The following MAMLD1 variants were observed in gnomAD, a reference collection of about 807,000 sequenced individuals.
The protein encoded by MAMLD1 is mastermind like domain containing 1, also known as mastermind-like domain-containing protein 1.
A neutral mutation model predicts 45.0 loss-of-function variants in MAMLD1; 14 were observed. The observed-to-expected ratio is 0.31, with a 90% CI of 0.21 to 0.49. MAMLD1 has a LOEUF of 0.49. Ranked by LOEUF, MAMLD1 falls within the 20% of genes least tolerant of loss-of-function variation. MAMLD1 has a pLI of 0.99. For synonymous variants in MAMLD1, 254 were observed against 247.8 expected, an observed-to-expected ratio of 1.02 and a Z score of -0.24; for missense variants, 543 against 603.6, an observed-to-expected ratio of 0.90 and a Z score of 1.05.
Position 150,374,786 on chromosome X carries a change from C to T in MAMLD1, c.-64+11256C>T, listed in dbSNP as rs187361822. Among the ~76,000 whole-genome samples the T allele has an allele frequency of 3.6e-5, 4 of 111,673 alleles. No homozygotes were observed. In the East Asian group the frequency reaches 1.1e-3, roughly 32 times the overall value. On this transcript the variant is annotated intron_variant, in intron 1 of 7. Transcript: ENST00000370401. Reference sequence around the variant, plus strand: ...GAGGAGGTTCCACATTTGCCTGCTGCAGAAGTGAGAAAATGGGATCTGAGG... The same window carrying T: ...GAGGAGGTTCCACATTTGCCTGCTGTAGAAGTGAGAAAATGGGATCTGAGG...
At chrX:150,403,964 G>GAAAGAAAGAAAGAA (rs1557402575) in intron 1 of MAMLD1, among the ~76,000 whole-genome samples, 19 of 83,743 alleles carry the variant, frequency 2.3e-4, no homozygotes, top group African/African-American at 6.5e-4. Flanking sequence ...AAGAAAGAAA[G>GAAAGAAAGAAAGAA]AAAGAAAGAA....
At chrX:150,413,311 G>A (rs929485300) in intron 1 of MAMLD1, among the ~76,000 whole-genome samples, 2 of 111,010 alleles carry the variant, frequency 1.8e-5, no homozygotes, top group East Asian at 5.6e-4. Context: ...TCATATGGTC[G>A]CTGTTTTGGA....
chrX:150,445,612 G>C lies in MAMLD1; in HGVS notation c.96G>C (p.Ser32=). ...NRQEPRKLQE[S]GKKPSWMEEE... ...AGGAGCCCAGAAAGCTCCAGGAATCGGTCAGACAATGGGCCATGGGGGGAG... is the reference window on the plus strand; with the variant it reads ...AGGAGCCCAGAAAGCTCCAGGAATCCGTCAGACAATGGGCCATGGGGGGAG... The change falls in exon 2 of 8, where the codon TCG becomes TCC. Residue 32 remains serine (S), a splice_region_variant and synonymous_variant. Coordinates refer to ENST00000370401, the MANE Select transcript of MAMLD1 (RefSeq NM_005491.5). The C allele has an allele frequency of 2.5e-6, 3 of 1,188,299 alleles. No homozygotes were observed. Among genetic ancestry groups the C allele is most frequent in the Non-Finnish European group, 3.4e-6 (3 of 874,873 alleles).
intron 5 of MAMLD1, among the ~76,000 whole-genome samples, chrX:150,497,928 A>C (rs782714181): frequency 1.2e-4 from 13 of 111,026 alleles, no homozygotes; most frequent in African/African-American, 3.9e-4. Flanking sequence ...CAGGTCGCTT[A>C]ACCTTTTTGT....
At chrX:150,482,004 G>GAAAGAAAGAAAGAAAGAA (rs2036818995) in intron 5 of MAMLD1, among the ~76,000 whole-genome samples, 2 of 106,094 alleles carry the variant, frequency 1.9e-5, no homozygotes, top group African/African-American at 7.0e-5. Context: ...AAGAAAGAAA[G>GAAAGAAAGAAAGAAAGAA]AAAGAAAGAA....
chrX:150,411,173 C>G (rs2034115738), intron 1 of MAMLD1, among the ~76,000 whole-genome samples: 1 of 111,725 alleles, frequency 9.0e-6, no homozygotes, highest in African/African-American at 3.3e-5. Flanking sequence ...AGGGTCCTCC[C>G]TACTAAGGGT....
intron 5 of MAMLD1, among the ~76,000 whole-genome samples, chrX:150,479,093 G>A (rs782190154): frequency 6.3e-5 from 7 of 110,957 alleles, no homozygotes; most frequent in East Asian, 2.8e-4. Flanking sequence ...TTTCTTTTTC[G>A]GTTTCTAAGG....
intron 5 of MAMLD1, among the ~76,000 whole-genome samples, chrX:150,498,135 T>C (rs1275933537): frequency 9.0e-6 from 1 of 111,352 alleles, no homozygotes; most frequent in Non-Finnish European, 1.9e-5. Flanking sequence ...ACACAGGTCC[T>C]GCTGAGCCAT....
At chrX:150,484,617 C>T (rs907514445) in intron 5 of MAMLD1, among the ~76,000 whole-genome samples, 25 of 112,452 alleles carry the variant, frequency 2.2e-4, no homozygotes, top group African/African-American at 7.1e-4. Flanking sequence ...TCTTCCAAGC[C>T]GTGTAGTTAT....
chrX:150,425,855 C>T (rs782348863), intron 1 of MAMLD1, among the ~76,000 whole-genome samples: 5 of 112,213 alleles, frequency 4.5e-5, no homozygotes, highest in East Asian at 2.8e-4. Context: ...GTTGTTGGAG[C>T]GAGCCAGTGA....
In MAMLD1 at chrX:150,461,957, T is replaced by G. The variant is rs933756374; in HGVS notation, c.97-815T>G. Among the ~76,000 whole-genome samples, 276 of 112,126 alleles carry G rather than the reference T, an allele frequency of 2.5e-3. 1 individual carries two copies. Among genetic ancestry groups the G allele is most frequent in the Non-Finnish European group, 4.2e-3 (221 of 53,200 alleles). ...CAGCTCTGTAGCCATCATTTCACAA[T>G]GCAGCCATACCTAAGAGCCTAGGAC... On this transcript the variant is annotated intron_variant, in intron 2 of 7. Coordinates refer to ENST00000370401, the MANE Select transcript of MAMLD1 (RefSeq NM_005491.5).
rs1451276082 is a variant in MAMLD1, at chrX:150,481,960, AGAAAAAAGAAAG to A, written c.2040+8159_2040+8170del. Among the ~76,000 whole-genome samples the A allele has an allele frequency of 2.9e-3, 268 of 92,707 alleles. 1 individual carries two copies. Among genetic ancestry groups the A allele is most frequent in the African/African-American group, 1.0e-2 (249 of 24,929 alleles). The allele number at this position is 92,707 out of a possible 115,157, so 80.5% of individuals were successfully genotyped here. The stretch of plus-strand genomic sequence containing the variant: ...AAAGAAAGAAAAAAGAAAGAAAGAA[AGAAAAAAGAAAG>A]AAAGAAAGAAAGAAAGAAAGAAAGA... On this transcript the variant is annotated intron_variant, in intron 5 of 7. Transcript: ENST00000370401.
chrX:150,462,615 A>C (rs1557405672), intron 2 of MAMLD1, among the ~76,000 whole-genome samples, 157 bp from the exon 3 acceptor site: 1 of 112,134 alleles, frequency 8.9e-6, no homozygotes, highest in African/African-American at 3.3e-5. Flanking sequence ...GTCTATGTTC[A>C]AGTAATCCCC....
intron 5 of MAMLD1, among the ~76,000 whole-genome samples, chrX:150,499,004 G>C (rs2283746): frequency 9.0e-6 from 1 of 111,431 alleles, no homozygotes; most frequent in Non-Finnish European, 1.9e-5. Flanking sequence ...CAAAAATCCA[G>C]GTTCTTCCAC....
chrX:150,415,478 A>C (rs940610906), intron 1 of MAMLD1, among the ~76,000 whole-genome samples: 7 of 112,699 alleles, frequency 6.2e-5, no homozygotes, highest in Non-Finnish European at 1.1e-4. Flanking sequence ...TCTCTTTTCT[A>C]TACCTTTTCT....
intron 5 of MAMLD1, among the ~76,000 whole-genome samples, chrX:150,494,222 A>C (rs782531991): frequency 1.7e-4 from 19 of 110,046 alleles, no homozygotes; most frequent in African/African-American, 5.7e-4. Context: ...GGTGAAACCC[A>C]GTCTCTACTA....
intron 1 of MAMLD1, among the ~76,000 whole-genome samples, chrX:150,378,469 T>TAAA (rs2032439108): frequency 8.9e-6 from 1 of 111,879 alleles, no homozygotes; most frequent in African/African-American, 3.3e-5. Flanking sequence ...CTTGGGGAAA[T>TAAA]AAATATATTT....
At chrX:150,410,043 T>A (rs1211747648) in intron 1 of MAMLD1, among the ~76,000 whole-genome samples, 1 of 111,699 alleles carries the variant, frequency 9.0e-6, no homozygotes, top group Non-Finnish European at 1.9e-5. Flanking sequence ...TGTTCCTTGA[T>A]CTCTTGTTTG....
At chrX:150,371,084 A>G (rs904257020) in intron 1 of MAMLD1, among the ~76,000 whole-genome samples, 16 of 110,281 alleles carry the variant, frequency 1.5e-4, no homozygotes, top group African/African-American at 5.0e-4. Context: ...CCCCCGACCC[A>G]CCCACCAAGG....
Sources: allele counts gnomAD v4.1 joint callset (sites outside exome capture counted in the v4.1 genomes callset), GRCh38; gene constraint gnomAD v4.1.1; transcripts MANE v1.5; gene names NCBI Gene and HGNC (gene_info 2026-07-23, HGNC 2026-07-21).